The following SORCS3 variants were observed in gnomAD, a reference collection of about 807,000 sequenced individuals.
The protein encoded by SORCS3 is VPS10 domain-containing receptor SorCS3.
Under a neutral mutation model 146.3 loss-of-function variants are expected in SORCS3, and 57 were observed. The ratio of observed to expected loss-of-function variants is 0.39; its 90% CI spans 0.31 to 0.49. SORCS3 has a LOEUF of 0.49. SORCS3 is among the 20% of genes least tolerant of loss of function. The pLI is 0.92. For synonymous variants in SORCS3, 653 were observed against 618.5 expected, an observed-to-expected ratio of 1.06 and a Z score of -0.83; for missense variants, 1,341 against 1,575.5, an observed-to-expected ratio of 0.85 and a Z score of 2.52.
chr10:104,977,880 C>T (rs1053376476), intron 4 of SORCS3, among the ~76,000 whole-genome samples: 1 of 151,638 alleles, frequency 6.6e-6, no homozygotes, highest in Non-Finnish European at 1.5e-5. Context: ...TACAGGTGCC[C>T]ACCGCCATGC....
intron 1 of SORCS3, among the ~76,000 whole-genome samples, chr10:104,667,573 C>G (rs1276926954): frequency 6.6e-6 from 1 of 152,172 alleles, no homozygotes; most frequent in Non-Finnish European, 1.5e-5. Flanking sequence ...AAAAAAATGA[C>G]TACATTTTTC....
At chr10:105,121,355 A>AT (rs1432376149) in intron 7 of SORCS3, among the ~76,000 whole-genome samples, 1 of 152,114 alleles carries the variant, frequency 6.6e-6, no homozygotes, top group Non-Finnish European at 1.5e-5. Context: ...TATTATCTTT[A>AT]TTTTTCTATG....
chr10:105,206,053 C>T (rs916312526), intron 16 of SORCS3, among the ~76,000 whole-genome samples: 11 of 152,120 alleles, frequency 7.2e-5, no homozygotes, highest in East Asian at 1.9e-4. Flanking sequence ...CAGATGTATC[C>T]GAAGTACATT....
chr10:105,231,739 T>G (rs1184985779), intron 20 of SORCS3, among the ~76,000 whole-genome samples: 1 of 152,204 alleles, frequency 6.6e-6, no homozygotes, highest in East Asian at 1.9e-4. Context: ...TGGATTGTGT[T>G]AAATGCTTTT....
intron 7 of SORCS3, among the ~76,000 whole-genome samples, chr10:105,111,539 C>A (rs749054706): frequency 6.6e-5 from 10 of 152,186 alleles, no homozygotes; most frequent in Non-Finnish European, 1.3e-4. Context: ...TACAGGACAA[C>A]TTAGCCTAAT....
chr10:104,749,177 G>C (rs2016951451), intron 1 of SORCS3, among the ~76,000 whole-genome samples: 3 of 152,018 alleles, frequency 2.0e-5, no homozygotes, highest in South Asian at 4.1e-4. Flanking sequence ...GATTAATCAA[G>C]TGTGGTTACT....
intron 1 of SORCS3, among the ~76,000 whole-genome samples, chr10:104,715,945 C>A (rs2016471609): frequency 1.3e-5 from 2 of 152,176 alleles, no homozygotes; most frequent in African/African-American, 4.8e-5. Flanking sequence ...AAAGTTCTTA[C>A]TGCTTATCTT....
At chr10:105,050,397 A>G (rs946494185) in intron 5 of SORCS3, among the ~76,000 whole-genome samples, 1 of 152,076 alleles carries the variant, frequency 6.6e-6, no homozygotes, top group Admixed American at 6.6e-5. Context: ...GCAAGCTACC[A>G]TGTTGTTAGC....
At chr10:104,730,043 G>A (rs2016688161) in intron 1 of SORCS3, among the ~76,000 whole-genome samples, 1 of 152,174 alleles carries the variant, frequency 6.6e-6, no homozygotes, top group African/African-American at 2.4e-5. Context: ...TTGGTACTCA[G>A]CAAATCTTGA....
chr10:105,089,648 C>T lies in SORCS3; in HGVS notation c.1029-127C>T, dbSNP rs2055687685. ...GCCAGTGGCCACATTCTGCTGGTTC[C>T]CATACTGCAGGATGGTCCTCTTTGA... is the stretch of plus-strand genomic sequence containing the variant. On this transcript the variant is annotated intron_variant, in intron 5 of 26. Coordinates refer to ENST00000369701, the MANE Select transcript of SORCS3 (RefSeq NM_014978.3). 4 of 719,430 alleles carry T rather than the reference C, an allele frequency of 5.6e-6. No homozygotes were observed. The East Asian group carries it at 1.1e-4, about 19-fold the overall frequency. The allele number at this position is 719,430 out of a possible 1,614,324, so 44.6% of individuals were successfully genotyped here. A position where few individuals can be genotyped will look rare whatever the true frequency, so the allele number is the denominator to read the frequency against.
At chr10:105,236,838 G>T (rs1172941719) in intron 20 of SORCS3, among the ~76,000 whole-genome samples, 1 of 152,036 alleles carries the variant, frequency 6.6e-6, no homozygotes, top group Non-Finnish European at 1.5e-5. Flanking sequence ...CTAAAGCAAG[G>T]ATACTATAAT....
chr10:105,039,954 A>C (rs1003698039), intron 4 of SORCS3, among the ~76,000 whole-genome samples: 1 of 152,180 alleles, frequency 6.6e-6, no homozygotes, highest in African/African-American at 2.4e-5. Flanking sequence ...GCAGAGGAAG[A>C]CACAATCATG....
chr10:105,135,514 TC>T (rs946927709), intron 7 of SORCS3, among the ~76,000 whole-genome samples: 2 of 152,192 alleles, frequency 1.3e-5, no homozygotes, highest in African/African-American at 4.8e-5. Flanking sequence ...GTGTTCTCTC[TC>T]AAACTTGCCT....
intron 4 of SORCS3, among the ~76,000 whole-genome samples, chr10:104,995,278 G>C (rs377728303): frequency 1.6e-4 from 24 of 151,398 alleles, no homozygotes; most frequent in African/African-American, 5.8e-4. Context: ...TCCTGCCTCA[G>C]CCTCCTGAGT....
chr10:105,139,514 G>C lies in SORCS3; in HGVS notation c.1302+28G>C, dbSNP rs1189075680. 5 of 1,566,738 alleles carry C rather than the reference G, an allele frequency of 3.2e-6. No individual in the cohort carries two copies. The African/African-American group carries it at 6.8e-5, about 21-fold the overall frequency. On this transcript the variant is annotated intron_variant, in intron 8 of 26. Transcript: ENST00000369701. ...ACTGCATGCACCACTAGCGGTCCTG[G>C]GTCCCTCTAGGCAAAGGGAGGGTTG...
intron 20 of SORCS3, 26 bp downstream of exon 20, chr10:105,223,275 A>G (rs2056715579): frequency 1.3e-5 from 20 of 1,595,702 alleles, no homozygotes; most frequent in East Asian, 2.2e-5. Flanking sequence ...ATTGATGTCA[A>G]ATTAGATCTG....
intron 1 of SORCS3, among the ~76,000 whole-genome samples, chr10:104,763,502 A>T (rs2017145023): frequency 6.6e-6 from 1 of 152,204 alleles, no homozygotes; most frequent in South Asian, 2.1e-4. Flanking sequence ...CACCTATTAC[A>T]TTAAACAAAG....
intron 4 of SORCS3, among the ~76,000 whole-genome samples, chr10:104,977,741 T>C (rs2133650648): frequency 6.7e-6 from 1 of 148,866 alleles, no homozygotes; most frequent in South Asian, 2.1e-4. Context: ...TTTTTTTTTT[T>C]TTTTTTTTTG....
At chr10:104,684,812 T>G (rs1348596871) in intron 1 of SORCS3, among the ~76,000 whole-genome samples, 23 of 47,386 alleles carry the variant, frequency 4.9e-4, no homozygotes, top group Admixed American at 1.2e-3. Context: ...TTTTTTTTTT[T>G]TTTTTTTTTT....
Sources: allele counts gnomAD v4.1 joint callset (sites outside exome capture counted in the v4.1 genomes callset), GRCh38; gene constraint gnomAD v4.1.1; transcripts MANE v1.5; gene names NCBI Gene and HGNC (gene_info 2026-07-23, HGNC 2026-07-21).